Variants in DLC1 observed in about 807,000 individuals in gnomAD.
The protein encoded by DLC1 is DLC1 Rho GTPase activating protein, also known as rho GTPase-activating protein 7.
In DLC1, 54 loss-of-function variants were observed where a neutral mutation model predicts 140.3. The ratio of observed to expected loss-of-function variants is 0.38; its 90% CI spans 0.31 to 0.48. The LOEUF is 0.48. Among genes scored for constraint, DLC1 ranks in the 20% least tolerant of loss-of-function variants. DLC1 has a pLI of 0.96. For synonymous variants in DLC1, 986 were observed against 728.1 expected (o/e 1.35, Z -5.70); for missense variants, 2,536 against 1,907.0 (o/e 1.33, Z -6.14).
chr8:13,589,663 C>T lies in DLC1; in HGVS notation c.-126+14874G>A, dbSNP rs542820077. Among the ~76,000 whole-genome samples the T allele has an allele frequency of 1.2e-4, 17 of 145,424 alleles. No homozygotes were observed. The South Asian group carries it at 3.6e-3, about 30-fold the overall frequency. On this transcript the variant is annotated intron_variant, in intron 1 of 1. Coordinates refer to the DLC1 transcript ENST00000631382. ...TGGTGAATTGTTATGTTCATCCTTTCTGCCCAGTTCTATATAGAATGCTCT... is the reference window on the plus strand; with the variant it reads ...TGGTGAATTGTTATGTTCATCCTTTTTGCCCAGTTCTATATAGAATGCTCT...
chr8:13,274,305 C>T (rs965772870), intron 5 of DLC1, among the ~76,000 whole-genome samples: 9 of 152,156 alleles, frequency 5.9e-5, no homozygotes, highest in African/African-American at 2.2e-4. Context: ...CCAAAAGTGT[C>T]CAGGTCCCCC....
intron 1 of DLC1, among the ~76,000 whole-genome samples, chr8:13,547,900 T>C (rs113819397): frequency 1.3e-5 from 2 of 152,024 alleles, no homozygotes; most frequent in South Asian, 4.1e-4. Flanking sequence ...AATCTCTCTT[T>C]TTTCTTGTCT....
intron 1 of DLC1, among the ~76,000 whole-genome samples, chr8:13,585,503 T>G (rs1378881656): frequency 6.6e-6 from 1 of 152,214 alleles, no homozygotes; most frequent in Non-Finnish European, 1.5e-5. Context: ...TACTTTGTAA[T>G]TTGTAAAGGT....
intron 5 of DLC1, among the ~76,000 whole-genome samples, chr8:13,159,166 C>T (rs980446160): frequency 1.3e-5 from 2 of 152,138 alleles, no homozygotes; most frequent in African/African-American, 4.8e-5. Context: ...AATCAAATAC[C>T]AGTACGGTGG....
intron 5 of DLC1, among the ~76,000 whole-genome samples, chr8:13,259,548 A>G (rs79861162): frequency 0.13 from 19,623 of 152,150 alleles, 1,325 homozygotes; most frequent in South Asian, 0.24. Context: ...TTTTTTTACA[A>G]TAAAGATACT....
intron 2 of DLC1, among the ~76,000 whole-genome samples, chr8:13,452,665 A>G (rs1482983205): frequency 6.6e-6 from 1 of 152,130 alleles, no homozygotes; most frequent in Non-Finnish European, 1.5e-5. Context: ...TTTTGCTGGT[A>G]CCTCACATAT....
At chr8:13,349,233 G>C (rs113981855) in intron 4 of DLC1, among the ~76,000 whole-genome samples, 16 of 152,238 alleles carry the variant, frequency 1.1e-4, no homozygotes, top group African/African-American at 3.6e-4. Flanking sequence ...CCCTAGGAAA[G>C]ATGATGAAGA....
intron 1 of DLC1, among the ~76,000 whole-genome samples, chr8:13,552,431 T>G (rs967585417): frequency 9.3e-5 from 14 of 150,828 alleles, no homozygotes; most frequent in African/African-American, 3.1e-4. Context: ...AGATTCAATA[T>G]TTTGATGAAA....
At chr8:13,237,171 G>A (rs1414119972) in intron 5 of DLC1, among the ~76,000 whole-genome samples, 1 of 149,196 alleles carries the variant, frequency 6.7e-6, no homozygotes, top group Non-Finnish European at 1.5e-5. Flanking sequence ...AATGATCCTG[G>A]GGAGGATGTG....
At chr8:13,361,931 A>G (rs1246836383) in intron 4 of DLC1, among the ~76,000 whole-genome samples, 1 of 152,236 alleles carries the variant, frequency 6.6e-6, no homozygotes, top group Non-Finnish European at 1.5e-5. Context: ...AAGCTGAGAC[A>G]GATTTCCCAT....
intron 5 of DLC1, among the ~76,000 whole-genome samples, chr8:13,281,857 G>A (rs540039172): frequency 6.6e-6 from 1 of 152,256 alleles, no homozygotes; most frequent in South Asian, 2.1e-4. Context: ...TATGCTTTCT[G>A]AAGCTAAGAT....
intron 5 of DLC1, among the ~76,000 whole-genome samples, chr8:13,267,218 A>G (rs1830723645): frequency 6.6e-6 from 1 of 152,236 alleles, no homozygotes; most frequent in Admixed American, 6.5e-5. Flanking sequence ...TTGATGGCAT[A>G]CTTTTAGACC....
At chr8:13,129,929 G>A (rs1218908450) in intron 5 of DLC1, among the ~76,000 whole-genome samples, 3 of 152,086 alleles carry the variant, frequency 2.0e-5, no homozygotes, top group East Asian at 1.9e-4. Context: ...ATTTTTGCAT[G>A]GCCTCATTTC....
In DLC1 at chr8:13,121,805, G is replaced by A. The variant is rs550397190; in HGVS notation, c.1349-6148C>T. On this transcript the variant is annotated intron_variant, in intron 5 of 17. Transcript: ENST00000276297. ...TGGGCTCAGGCAATCCTCCTGCCTC[G>A]GCCTCCCAAAGTGCTGGGATTACAG... is the stretch of plus-strand genomic sequence containing the variant. Among the ~76,000 whole-genome samples the A allele has an allele frequency of 1.1e-4, 17 of 151,992 alleles. No individual in the cohort carries two copies. The South Asian group carries it at 1.3e-3, about 11-fold the overall frequency.
chr8:13,320,842 C>A (rs771473675), intron 4 of DLC1, among the ~76,000 whole-genome samples: 2 of 152,124 alleles, frequency 1.3e-5, no homozygotes, highest in Non-Finnish European at 2.9e-5. Flanking sequence ...GAGACAGACA[C>A]CATCTCTACA....
At chr8:13,547,140 C>G (rs1032227496) in intron 1 of DLC1, among the ~76,000 whole-genome samples, 114 of 151,992 alleles carry the variant, frequency 7.5e-4, no homozygotes, top group African/African-American at 2.6e-3. Context: ...GAAGAATTAT[C>G]TTGTATGAAG....
chr8:13,155,131 G>A (rs940379342), intron 5 of DLC1, among the ~76,000 whole-genome samples: 1 of 106,282 alleles, frequency 9.4e-6, no homozygotes, highest in Admixed American at 8.7e-5. Context: ...AACTTGCGCT[G>A]CTTTTTTTTT....
intron 4 of DLC1, among the ~76,000 whole-genome samples, chr8:13,359,563 A>T (rs1179895487): frequency 6.6e-6 from 1 of 152,146 alleles, no homozygotes; most frequent in African/African-American, 2.4e-5. Flanking sequence ...TAAACGATGC[A>T]TTGGAAAGGA....
At chr8:13,572,863 T>C (rs1455005441) in intron 1 of DLC1, among the ~76,000 whole-genome samples, 1 of 152,180 alleles carries the variant, frequency 6.6e-6, no homozygotes, top group African/African-American at 2.4e-5. Context: ...TCCAGTACCA[T>C]AATATTTTTA....
Sources: allele counts gnomAD v4.1 joint callset (sites outside exome capture counted in the v4.1 genomes callset), GRCh38; gene constraint gnomAD v4.1.1; transcripts MANE v1.5; gene names NCBI Gene and HGNC (gene_info 2026-07-23, HGNC 2026-07-21).